SDK1: variants seen among roughly 807,000 people sequenced by gnomAD.
The protein encoded by SDK1 is protein sidekick-1.
SDK1 carries 157 observed loss-of-function variants against 245.5 expected under a neutral mutation model. The ratio of observed to expected loss-of-function variants is 0.64; its 90% CI spans 0.56 to 0.73. The LOEUF (loss-of-function observed/expected upper bound fraction) is 0.73, where lower values mean the gene tolerates loss of function less well. SDK1 is among the 30% of genes least tolerant of loss of function. The probability of loss-of-function intolerance (pLI) is 0.00; values close to 1 mark genes in which losing one functional copy is unlikely to be tolerated. For missense variants in SDK1, 3,583 were observed against 3,002.3 expected, an observed-to-expected ratio of 1.19 and a Z score of -4.52; for synonymous variants, 1,647 against 1,278.5, an observed-to-expected ratio of 1.29 and a Z score of -6.15.
At chr7:3,405,351 T>C (rs1779022133) in intron 1 of SDK1, among the ~76,000 whole-genome samples, 1 of 152,126 alleles carries the variant, frequency 6.6e-6, no homozygotes, top group African/African-American at 2.4e-5. Flanking sequence ...CAGAGCCTTA[T>C]CACTGCACAA....
rs773932952 is a variant in SDK1 at position 4,114,004 on chromosome 7, G to A, written c.3586-33G>A. 5.0e-6 allele frequency: 8 copies of A among 1,587,546 alleles called. No individual in the cohort carries two copies. The South Asian group carries it at 6.7e-5, about 13-fold the overall frequency. On this transcript the variant is annotated intron_variant, in intron 24 of 44. Coordinates refer to ENST00000404826, the MANE Select transcript of SDK1 (RefSeq NM_152744.4). ...CCCGTGAGGGTGGCAGTTCTGAGAT[G>A]TCAGCTCATCGCGACTCCTCGTTCC...
At chr7:4,252,867 T>C (rs1044471204) in intron 44 of SDK1, among the ~76,000 whole-genome samples, 1 of 150,956 alleles carries the variant, frequency 6.6e-6, no homozygotes, top group Non-Finnish European at 1.5e-5. Context: ...TGTCACTCAT[T>C]TGTGTCTTTC....
intron 1 of SDK1, among the ~76,000 whole-genome samples, chr7:3,567,265 A>G (rs6967511): frequency 0.65 from 98,207 of 151,528 alleles, 32,603 homozygotes; most frequent in African/African-American, 0.79. Flanking sequence ...TTTATCCTCC[A>G]TTCCTCAGCG....
chr7:3,325,479 C>T (rs989431774), intron 1 of SDK1, among the ~76,000 whole-genome samples: 4 of 151,944 alleles, frequency 2.6e-5, no homozygotes, highest in South Asian at 2.1e-4. Context: ...AGAATTTAAG[C>T]GTGGCACTTA....
intron 30 of SDK1, among the ~76,000 whole-genome samples, chr7:4,157,435 A>G (rs116980343): frequency 0.54 from 60,035 of 111,860 alleles, 14,818 homozygotes; most frequent in East Asian, 0.77. Context: ...GGAAGGCAAG[A>G]GAAAAGGAGG....
intron 3 of SDK1, among the ~76,000 whole-genome samples, chr7:3,639,831 T>A (rs894808151): frequency 6.6e-5 from 10 of 151,154 alleles, no homozygotes; most frequent in Non-Finnish European, 1.5e-4. Flanking sequence ...TAATTATATG[T>A]CATATATATG....
chr7:3,984,617 C>T (rs1401352477), intron 13 of SDK1, among the ~76,000 whole-genome samples: 2 of 152,134 alleles, frequency 1.3e-5, no homozygotes, highest in Non-Finnish European at 2.9e-5. Flanking sequence ...GTCTGTTTTG[C>T]AAGGTTTGTC....
At chr7:4,243,840 C>T (rs1786674435) in intron 43 of SDK1, among the ~76,000 whole-genome samples, 1 of 152,176 alleles carries the variant, frequency 6.6e-6, no homozygotes, top group Non-Finnish European at 1.5e-5. Context: ...GGCAGGGACA[C>T]CTGAGATTGG....
chr7:3,971,607 T>A, intron 12 of SDK1, 39 bp downstream of exon 12: 1 of 1,444,448 alleles, frequency 6.9e-7, no homozygotes, highest in Non-Finnish European at 9.7e-7. Flanking sequence ...GGCTTGTTGA[T>A]ATTCTGTGAG....
intron 4 of SDK1, among the ~76,000 whole-genome samples, chr7:3,719,319 G>A (rs1382550767): frequency 5.3e-5 from 8 of 150,728 alleles, no homozygotes; most frequent in African/African-American, 2.0e-4. Context: ...GCATAGCACA[G>A]GACCTATAAT....
chr7:3,637,103 G>A (rs28666850), intron 2 of SDK1, among the ~76,000 whole-genome samples: 44,106 of 151,168 alleles, frequency 0.29, 7,359 homozygotes, highest in African/African-American at 0.45. Context: ...GTGTGTGTGT[G>A]TGTGTGTGTT....
intron 4 of SDK1, among the ~76,000 whole-genome samples, chr7:3,692,411 A>G (rs1257932898): frequency 6.6e-6 from 1 of 152,086 alleles, no homozygotes; most frequent in East Asian, 1.9e-4. Context: ...GGATCATACT[A>G]TATAGTTAGT....
intron 4 of SDK1, among the ~76,000 whole-genome samples, chr7:3,725,676 G>C (rs958676134): frequency 6.6e-6 from 1 of 152,158 alleles, no homozygotes; most frequent in Non-Finnish European, 1.5e-5. Context: ...AGCATTCTCT[G>C]TCCCTGGAGC....
intron 13 of SDK1, among the ~76,000 whole-genome samples, chr7:3,975,285 C>T (rs916104291): frequency 2.6e-5 from 4 of 152,124 alleles, no homozygotes; most frequent in African/African-American, 9.7e-5. Context: ...AAAAATAAAA[C>T]CTGAAAATAA....
At chr7:3,598,766 T>G (rs1273724823) in intron 1 of SDK1, among the ~76,000 whole-genome samples, 1 of 152,234 alleles carries the variant, frequency 6.6e-6, no homozygotes, top group East Asian at 1.9e-4. Flanking sequence ...ACTGCAAATT[T>G]ATGGAGGTTA....
At chr7:4,172,946 A>T (rs1168633499) in intron 32 of SDK1, among the ~76,000 whole-genome samples, 1 of 152,210 alleles carries the variant, frequency 6.6e-6, no homozygotes, top group African/African-American at 2.4e-5. Context: ...TGCACGTGCA[A>T]AGACCCTGTT....
At chr7:3,535,614 T>G (rs1417980343) in intron 1 of SDK1, among the ~76,000 whole-genome samples, 1 of 152,210 alleles carries the variant, frequency 6.6e-6, no homozygotes, top group African/African-American at 2.4e-5. Flanking sequence ...TCCCTTAGCA[T>G]CCTTATATTT....
intron 1 of SDK1, among the ~76,000 whole-genome samples, chr7:3,596,530 C>T (rs57480717): frequency 0.14 from 21,985 of 152,014 alleles, 2,661 homozygotes; most frequent in East Asian, 0.34. Context: ...TTTTGACAAA[C>T]GCATGGACTT....
chr7:4,031,110 C>T (rs1244659834), intron 17 of SDK1, among the ~76,000 whole-genome samples: 3 of 152,020 alleles, frequency 2.0e-5, no homozygotes, highest in African/African-American at 4.8e-5. Flanking sequence ...CATGTGGACA[C>T]GTATATATAC....
Sources: allele counts gnomAD v4.1 joint callset (sites outside exome capture counted in the v4.1 genomes callset), GRCh38; gene constraint gnomAD v4.1.1; transcripts MANE v1.5; gene names NCBI Gene and HGNC (gene_info 2026-07-23, HGNC 2026-07-21).